Variants in ZDHHC15 observed in about 807,000 individuals in gnomAD.
The protein encoded by ZDHHC15 is palmitoyltransferase ZDHHC15.
ZDHHC15 carries 19 observed loss-of-function variants against 31.7 expected under a neutral mutation model. The ratio of observed to expected loss-of-function variants is 0.60; its 90% CI spans 0.42 to 0.88. The LOEUF is 0.88. Ranked by LOEUF, ZDHHC15 falls within the 40% of genes least tolerant of loss-of-function variation. The pLI is 0.00. For synonymous variants in ZDHHC15, 103 were observed against 90.0 expected (o/e 1.14, Z -0.82); for missense variants, 209 against 251.2 (o/e 0.83, Z 1.14).
intron 10 of ZDHHC15, among the ~76,000 whole-genome samples, chrX:75,392,934 GT>G (rs1202186988): frequency 7.8e-4 from 80 of 102,098 alleles, no homozygotes; most frequent in South Asian, 2.6e-3. Context: ...GCAGGTCATG[GT>G]TTTTTTTTTT....
intron 1 of ZDHHC15, among the ~76,000 whole-genome samples, chrX:75,514,857 A>G (rs1441068811): frequency 1.8e-5 from 2 of 111,935 alleles, no homozygotes; most frequent in African/African-American, 3.2e-5. Context: ...AGAGAGAAGA[A>G]TCAAATAGAC....
chrX:75,420,574 G>A (rs1382222305), intron 9 of ZDHHC15, among the ~76,000 whole-genome samples: 1 of 111,713 alleles, frequency 9.0e-6, no homozygotes, highest in Middle Eastern at 4.2e-3. Context: ...ATCAATGATA[G>A]ACTGGATAAA....
At chrX:75,468,164 G>C (rs965343625) in intron 3 of ZDHHC15, among the ~76,000 whole-genome samples, 1 of 107,938 alleles carries the variant, frequency 9.3e-6, no homozygotes, top group Non-Finnish European at 1.9e-5. Context: ...TCCTGCCTCC[G>C]CCTCCCGAGT....
At chrX:75,431,110 A>T (rs1035986403) in intron 5 of ZDHHC15, among the ~76,000 whole-genome samples, 2 of 112,225 alleles carry the variant, frequency 1.8e-5, no homozygotes, top group African/African-American at 6.5e-5. Context: ...TATCAGTATT[A>T]GTTCATTAAT....
At position 75,421,411 on chromosome X, in the gene ZDHHC15, A is replaced by ATAATATATATAAT. The variant is rs1491488470; in HGVS notation, c.863+452_863+453insATTATATATATTA. On this transcript the variant is annotated intron_variant, in intron 9 of 11. Transcript: ENST00000373367. ...GTATATATATATATTATATATATAT[A>ATAATATATATAAT]ATATATATATAATATATATATAATA... Among the ~76,000 whole-genome samples, 3 of 26,089 alleles carry ATAATATATATAAT rather than the reference A, an allele frequency of 1.1e-4. No individual in the cohort carries two copies. The Admixed American group carries it at 1.6e-3, about 14-fold the overall frequency. The allele number at this position is 26,089 out of a possible 115,157, so 22.7% of individuals were successfully genotyped here. A position where few individuals can be genotyped will look rare whatever the true frequency, so the allele number is the denominator to read the frequency against.
chrX:75,470,740 C>T (rs781504505), intron 3 of ZDHHC15, among the ~76,000 whole-genome samples: 1 of 111,601 alleles, frequency 9.0e-6, no homozygotes, highest in Admixed American at 9.5e-5. Flanking sequence ...GTGGTCATTT[C>T]CCCAGTGCCA....
At chrX:75,450,621 A>G in intron 4 of ZDHHC15, 181 bp downstream of exon 4, 3 of 966,591 alleles carry the variant, frequency 3.1e-6, no homozygotes, top group Non-Finnish European at 4.2e-6. Context: ...TGTTTACTAT[A>G]CAATTCTTCC....
chrX:75,420,662 G>A (rs1602596164), intron 9 of ZDHHC15, among the ~76,000 whole-genome samples: 2 of 111,011 alleles, frequency 1.8e-5, no homozygotes, highest in Middle Eastern at 9.4e-3. Context: ...CAGGGACATG[G>A]ATGAAGCTAG....
intron 3 of ZDHHC15, among the ~76,000 whole-genome samples, chrX:75,473,669 T>A (rs923912586): frequency 1.8e-5 from 2 of 111,573 alleles, no homozygotes; most frequent in Non-Finnish European, 3.8e-5. Flanking sequence ...AGAATATGCA[T>A]GTAATACAGG....
At chrX:75,500,332 G>A (rs1044743258) in intron 2 of ZDHHC15, among the ~76,000 whole-genome samples, 16 of 108,943 alleles carry the variant, frequency 1.5e-4, no homozygotes, top group African/African-American at 1.0e-4. Context: ...TGAAATACTC[G>A]GAGATCATTT....
At chrX:75,510,620 C>T (rs1256972381) in intron 1 of ZDHHC15, among the ~76,000 whole-genome samples, 1 of 92,995 alleles carries the variant, frequency 1.1e-5, no homozygotes, top group African/African-American at 3.9e-5. Flanking sequence ...TACATGTGCA[C>T]ATTGTGCAGG....
chrX:75,510,476 GT>G (rs373085476), intron 1 of ZDHHC15, among the ~76,000 whole-genome samples: 6,401 of 52,904 alleles, frequency 0.12, 292 homozygotes, highest in Middle Eastern at 0.2. Flanking sequence ...TGTTTCTTCT[GT>G]TTTTTTTTTT....
At chrX:75,453,624 A>T (rs1290085134) in intron 3 of ZDHHC15, among the ~76,000 whole-genome samples, 1 of 111,837 alleles carries the variant, frequency 8.9e-6, no homozygotes, top group Non-Finnish European at 1.9e-5. Flanking sequence ...ATGAATATCG[A>T]TGTGAAAATC....
rs904264100 is a variant in ZDHHC15, at chrX:75,479,622, T to C, written c.164-637A>G. On this transcript the variant is annotated intron_variant, in intron 2 of 11. Coordinates refer to ENST00000373367, the MANE Select transcript of ZDHHC15 (RefSeq NM_144969.3). Reference sequence around the variant, plus strand: ...GTATCTATCACTTGAATAATGTACATTGTACCTACTGAGTAGTTTCTTATC... The same window carrying C: ...GTATCTATCACTTGAATAATGTACACTGTACCTACTGAGTAGTTTCTTATC... Among the ~76,000 whole-genome samples, 3 of 111,724 alleles carry C rather than the reference T, an allele frequency of 2.7e-5. No homozygotes were observed. The East Asian group carries it at 8.5e-4, about 32-fold the overall frequency.
At chrX:75,469,211 T>G (rs1040415925) in intron 3 of ZDHHC15, among the ~76,000 whole-genome samples, 7 of 112,034 alleles carry the variant, frequency 6.2e-5, no homozygotes, top group African/African-American at 2.3e-4. Flanking sequence ...GCCTTACATT[T>G]AAGCATTTGG....
chrX:75,461,937 C>A (rs926680485), intron 3 of ZDHHC15, among the ~76,000 whole-genome samples: 1 of 111,560 alleles, frequency 9.0e-6, no homozygotes, highest in African/African-American at 3.3e-5. Context: ...ACAATATTAA[C>A]CTTAAATGTA....
intron 10 of ZDHHC15, among the ~76,000 whole-genome samples, chrX:75,413,211 AT>A (rs2147823680): frequency 8.9e-6 from 1 of 112,422 alleles, no homozygotes; most frequent in East Asian, 2.8e-4. Flanking sequence ...AAGCATACAT[AT>A]TTAAAAACTA....
At chrX:75,510,656 A>T (rs2085253255) in intron 1 of ZDHHC15, among the ~76,000 whole-genome samples, 1 of 88,594 alleles carries the variant, frequency 1.1e-5, no homozygotes, top group Admixed American at 1.4e-4. Context: ...TACATGTGCC[A>T]TGCTGGTGCG....
intron 2 of ZDHHC15, among the ~76,000 whole-genome samples, chrX:75,481,719 A>T (rs191443873): frequency 4.5e-5 from 5 of 111,926 alleles, no homozygotes; most frequent in Non-Finnish European, 9.4e-5. Context: ...AGAATTACCC[A>T]GCAAAGTTAT....
Sources: gnomAD v4.1 joint callset for allele counts (sites outside exome capture counted in the v4.1 genomes callset) on GRCh38, gnomAD v4.1.1 for gene constraint, MANE v1.5 for transcripts, NCBI Gene and HGNC (gene_info 2026-07-23, HGNC 2026-07-21) for gene names.